VWA3A: variants seen among roughly 807,000 people sequenced by gnomAD.
VWA3A encodes the protein von Willebrand factor A domain containing 3A, also known as von Willebrand factor A domain-containing protein 3A.
VWA3A carries 134 observed loss-of-function variants against 160.4 expected under a neutral mutation model. That is an observed-to-expected ratio of 0.84 (90% confidence interval 0.73 to 0.96). VWA3A has a LOEUF of 0.96. Among genes scored for constraint, VWA3A ranks in the 40% least tolerant of loss-of-function variants. VWA3A has a pLI of 0.00. For synonymous variants in VWA3A, 476 were observed against 543.4 expected (o/e 0.88, Z 1.72); for missense variants, 1,310 against 1,447.9 (o/e 0.90, Z 1.55).
At chr16:22,132,861 C>T (rs2045972176) in intron 19 of VWA3A, 39 bp from the exon 20 acceptor site, 1 of 1,588,096 alleles carries the variant, frequency 6.3e-7, no homozygotes, top group Middle Eastern at 1.9e-4. Context: ...CTTCAAGGCC[C>T]TCAGCTGCTG....
chr16:22,144,165 T>G (rs1449932874), intron 25 of VWA3A, 82 bp from the exon 26 acceptor site: 70 of 1,457,296 alleles, frequency 4.8e-5, no homozygotes, highest in Non-Finnish European at 6.1e-5. Context: ...GTTTCAAACA[T>G]GAGGTTCTCA....
rs757683691 is a variant in VWA3A, at chr16:22,121,551, T to G, written c.1290T>G (p.Asn430Lys). The change falls in exon 14 of 34, where the codon AAT (asparagine) becomes AAG (lysine). Residue 430 changes from asparagine (N) to lysine (K), a missense_variant. Transcript: ENST00000389398. ...KLSLYQVLAP[N>K]AFSPVEEFVP... ...GTCTATATCAGGTCCTGGCACCCAA[T>G]GCATTCTCTCCTGTGGAGGAATTTG... The G allele has an allele frequency of 1.9e-6, 3 of 1,613,786 alleles. No individual in the cohort carries two copies. In the East Asian group the frequency reaches 6.7e-5, roughly 36 times the overall value.
At chr16:22,141,767 G>C in intron 24 of VWA3A, 75 bp downstream of exon 24, 1 of 1,303,200 alleles carries the variant, frequency 7.7e-7, no homozygotes, top group South Asian at 1.4e-5. Flanking sequence ...AGGTACCGTG[G>C]GAAGGAGACC....
chr16:22,125,572 C>A (rs185655054), intron 16 of VWA3A, among the ~76,000 whole-genome samples: 3 of 151,862 alleles, frequency 2.0e-5, no homozygotes, highest in Non-Finnish European at 2.9e-5. Flanking sequence ...TACAGTCGCC[C>A]GCCACCACGC....
chr16:22,150,077 A>C, intron 29 of VWA3A, 146 bp downstream of exon 29: 1 of 1,235,180 alleles, frequency 8.1e-7, no homozygotes, highest in Non-Finnish European at 1.1e-6. Flanking sequence ...CACCCGAGTG[A>C]GAAAAGGATT....
chr16:22,093,841 C>A (rs761572999), intron 1 of VWA3A, among the ~76,000 whole-genome samples: 2 of 152,052 alleles, frequency 1.3e-5, no homozygotes, highest in Non-Finnish European at 2.9e-5. Context: ...CACAGCTCAC[C>A]GCAGCCTCAA....
intron 7 of VWA3A, 108 bp downstream of exon 7, chr16:22,109,688 CTT>C: frequency 1.1e-6 from 1 of 910,736 alleles, no homozygotes; most frequent in Non-Finnish European, 1.7e-6. Context: ...GATAGGGTGT[CTT>C]ATAAAGAACA....
At chr16:22,104,248 G>A (rs149065346) in intron 6 of VWA3A, among the ~76,000 whole-genome samples, 415 of 152,296 alleles carry the variant, frequency 2.7e-3, no homozygotes, top group Non-Finnish European at 4.1e-3. Context: ...AGCACATTGA[G>A]AGGCCTAGGT....
At chr16:22,140,408 G>A (rs1046519663) in intron 23 of VWA3A, among the ~76,000 whole-genome samples, 164 bp downstream of exon 23, 4 of 152,084 alleles carry the variant, frequency 2.6e-5, no homozygotes, top group Admixed American at 6.6e-5. Context: ...AGGAGTTCAA[G>A]ACAAGCCTTG....
intron 17 of VWA3A, among the ~76,000 whole-genome samples, chr16:22,128,180 G>T (rs771814452): frequency 6.6e-6 from 1 of 152,148 alleles, no homozygotes; most frequent in African/African-American, 2.4e-5. Flanking sequence ...CCATGCTCAC[G>T]AGTTTCCTGT....
intron 16 of VWA3A, among the ~76,000 whole-genome samples, chr16:22,125,889 T>G (rs967443171): frequency 6.6e-6 from 1 of 152,186 alleles, no homozygotes; most frequent in Non-Finnish European, 1.5e-5. Context: ...TTCTTTAAAA[T>G]AAATCTGTGA....
rs1334127570 is a variant in VWA3A, at chr16:22,094,144, C to T, written c.14+1493C>T. On this transcript the variant is annotated intron_variant, in intron 1 of 33. Coordinates refer to ENST00000389398, the MANE Select transcript of VWA3A (RefSeq NM_173615.5). Reference sequence around the variant, plus strand: ...GTTCAACCCCTTCTCCATCAGCCTGCACCAGTCACCCCAGAATCTAGCCAT... The same window carrying T: ...GTTCAACCCCTTCTCCATCAGCCTGTACCAGTCACCCCAGAATCTAGCCAT... Among the ~76,000 whole-genome samples, 8 of 152,184 alleles carry T rather than the reference C, an allele frequency of 5.3e-5. No individual in the cohort carries two copies. The East Asian group carries it at 1.4e-3, about 26-fold the overall frequency.
intron 25 of VWA3A, 136 bp from the exon 26 acceptor site, chr16:22,144,111 G>A: frequency 1.8e-6 from 2 of 1,087,680 alleles, no homozygotes; most frequent in Non-Finnish European, 1.3e-6. Flanking sequence ...TGGGATGGAT[G>A]CTCTGTGAGG....
chr16:22,132,322 C>T (rs549404941), intron 19 of VWA3A, among the ~76,000 whole-genome samples: 3 of 150,668 alleles, frequency 2.0e-5, no homozygotes, highest in South Asian at 4.2e-4. Context: ...GGGGAGGTTG[C>T]GGTGAGCTGA....
At chr16:22,101,017 C>G (rs186820536) in intron 5 of VWA3A, among the ~76,000 whole-genome samples, 7 of 149,986 alleles carry the variant, frequency 4.7e-5, no homozygotes, top group Non-Finnish European at 8.9e-5. Context: ...ATGAGCATGT[C>G]TCTTCCCACT....
intron 5 of VWA3A, among the ~76,000 whole-genome samples, chr16:22,101,190 G>A (rs1444062797): frequency 6.6e-6 from 1 of 152,010 alleles, no homozygotes; most frequent in Non-Finnish European, 1.5e-5. Context: ...CCAGAAGTTC[G>A]AGGCTGCAGT....
At chr16:22,100,879 A>G (rs1028316864) in intron 5 of VWA3A, among the ~76,000 whole-genome samples, 16 of 148,800 alleles carry the variant, frequency 1.1e-4, no homozygotes, top group African/African-American at 3.3e-4. Flanking sequence ...AAAAGAAAGA[A>G]TTATGTCATT....
intron 7 of VWA3A, among the ~76,000 whole-genome samples, chr16:22,110,605 G>A (rs913378368): frequency 3.3e-5 from 5 of 152,216 alleles, no homozygotes; most frequent in Non-Finnish European, 7.3e-5. Flanking sequence ...ACATGCCTTA[G>A]AGAGAAACCT....
intron 8 of VWA3A, among the ~76,000 whole-genome samples, chr16:22,112,860 C>T (rs959816683): frequency 6.6e-6 from 1 of 152,252 alleles, no homozygotes; most frequent in African/African-American, 2.4e-5. Flanking sequence ...TGAATCCCAA[C>T]CCCAACAGTC....
Sources: allele counts gnomAD v4.1 joint callset (sites outside exome capture counted in the v4.1 genomes callset), GRCh38; gene constraint gnomAD v4.1.1; transcripts MANE v1.5; gene names NCBI Gene and HGNC (gene_info 2026-07-23, HGNC 2026-07-21).